The following ANKRD36 variants were observed in gnomAD, a reference collection of about 807,000 sequenced individuals.
The protein encoded by ANKRD36 is ankyrin repeat domain-containing protein 36A.
ANKRD36 carries 179 observed loss-of-function variants against 278.1 expected under a neutral mutation model. The ratio of observed to expected loss-of-function variants is 0.64; its 90% CI spans 0.57 to 0.73. The LOEUF (loss-of-function observed/expected upper bound fraction) is 0.73. ANKRD36 is among the 30% of genes least tolerant of loss of function. ANKRD36 has a pLI of 0.00. For synonymous variants in ANKRD36, 320 were observed against 641.1 expected (o/e 0.50, Z 7.57); for missense variants, 1,159 against 1,956.7 (o/e 0.59, Z 7.69).
chr2:97,159,714 A>G (rs1361066975), intron 17 of ANKRD36, among the ~76,000 whole-genome samples: 1 of 151,324 alleles, frequency 6.6e-6, no homozygotes, highest in African/African-American at 2.4e-5. Context: ...AGGGAAAATA[A>G]ATAAGTAATT....
At chr2:97,227,221 T>C (rs1441480560) in intron 67 of ANKRD36, among the ~76,000 whole-genome samples, 17 of 152,112 alleles carry the variant, frequency 1.1e-4, no homozygotes, top group Non-Finnish European at 2.4e-4. Context: ...TTGGGCAGTA[T>C]GGCCATTTTA....
chr2:97,212,422 A>G (rs1371443959), intron 58 of ANKRD36, among the ~76,000 whole-genome samples: 1 of 151,908 alleles, frequency 6.6e-6, no homozygotes, highest in African/African-American at 2.4e-5. Context: ...ACTATTAGGC[A>G]TCAGAGATAC....
intron 1 of ANKRD36, among the ~76,000 whole-genome samples, chr2:97,117,321 C>T (rs2035740087): frequency 6.6e-6 from 1 of 151,372 alleles, no homozygotes; most frequent in Non-Finnish European, 1.5e-5. Flanking sequence ...CTTCTTTTTC[C>T]ACAGTACTTT....
chr2:97,114,150 G>A (rs1185066201), intron 1 of ANKRD36, among the ~76,000 whole-genome samples: 2 of 108,440 alleles, frequency 1.8e-5, no homozygotes, highest in Admixed American at 9.5e-5. Context: ...GGGGATGGGA[G>A]TGGGGAGTAG....
rs756626748 is a variant in ANKRD36, at chr2:97,202,315, A to G, written c.2887-6A>G. 1.0e-5 allele frequency: 16 copies of G among 1,581,470 alleles called. No homozygotes were observed. Among genetic ancestry groups the G allele is most frequent in the Admixed American group, 9.2e-5 (5 of 54,634 alleles). ...TATTTATTATTTCGTTTTAAATTCC[A>G]TTCAGGGTACAAGTGACGAGGAAGA... On this transcript the variant is annotated splice_region_variant and splice_polypyrimidine_tract_variant and intron_variant, in intron 47 of 75. Coordinates refer to ENST00000420699, the MANE Select transcript of ANKRD36 (RefSeq NM_001354587.1).
intron 6 of ANKRD36, among the ~76,000 whole-genome samples, chr2:97,132,069 T>C (rs182568562): frequency 0.041 from 6,207 of 151,816 alleles, 354 homozygotes; most frequent in African/African-American, 0.13. Context: ...CCTTGTGATC[T>C]GCCCGCCCCA....
At chr2:97,156,215 T>C (rs1163197618) in intron 15 of ANKRD36, among the ~76,000 whole-genome samples, 1 of 146,436 alleles carries the variant, frequency 6.8e-6, no homozygotes, top group East Asian at 2.0e-4. Flanking sequence ...GGACATACAT[T>C]ACTCTTTTTT....
At chr2:97,159,726 A>G (rs1446036448) in intron 17 of ANKRD36, among the ~76,000 whole-genome samples, 6 of 150,736 alleles carry the variant, frequency 4.0e-5, no homozygotes, top group Non-Finnish European at 5.9e-5. Context: ...TAAGTAATTA[A>G]ATAATAAAAA....
Position 97,245,825 on chromosome 2 carries a change from TTG to T in ANKRD36, c.5162_5163del (p.Cys1721SerfsTer15). 1 of 562,222 alleles carries T rather than the reference TTG, an allele frequency of 1.8e-6. No homozygotes were observed. The highest frequency in any genetic ancestry group is 3.3e-5 in the East Asian group (1 of 29,934). 34.8% of individuals were successfully genotyped at this position (562,222 alleles called of 1,614,324 possible). On this transcript the variant is annotated frameshift_variant, in exon 71 of 76. Transcript: ENST00000420699. LOFTEE classifies it high-confidence loss of function. The stretch of plus-strand genomic sequence containing the variant: ...AATGCATAGAAAAACAGGAAAGATT[TTG>T]TCAACTAAAAAAACAAAATATGTTG... ...EKCIEKQERF[C>X]QLKKQNMLLQ...
intron 28 of ANKRD36, among the ~76,000 whole-genome samples, chr2:97,185,007 C>T (rs951158951): frequency 1.3e-5 from 2 of 151,770 alleles, no homozygotes; most frequent in African/African-American, 4.8e-5. Context: ...GTATGAGTTG[C>T]TCCTCTGATT....
chr2:97,211,854 C>A (rs10171740), intron 58 of ANKRD36, 113 bp downstream of exon 58: 24,341 of 1,289,588 alleles, frequency 0.019, 3 homozygotes, highest in African/African-American at 0.14. Context: ...CTTCAGTATT[C>A]CTGAGATTAT....
intron 75 of ANKRD36, among the ~76,000 whole-genome samples, chr2:97,260,379 TAC>T (rs1553500928): frequency 1.6e-5 from 2 of 121,228 alleles, no homozygotes; most frequent in Non-Finnish European, 3.3e-5. Flanking sequence ...TATATATATA[TAC>T]ACACATATAT....
intron 5 of ANKRD36, among the ~76,000 whole-genome samples, chr2:97,125,618 G>A (rs989886867): frequency 3.3e-5 from 5 of 151,158 alleles, no homozygotes; most frequent in African/African-American, 7.3e-5. Flanking sequence ...TATAAACAGC[G>A]TAAGAGCTTT....
At chr2:97,167,638 A>G in intron 21 of ANKRD36, 33 bp downstream of exon 21, 2 of 1,536,010 alleles carry the variant, frequency 1.3e-6, no homozygotes, top group Non-Finnish European at 1.7e-6. Flanking sequence ...TTAATTAACA[A>G]AATGCTTTGT....
chr2:97,207,227 T>G (rs1267327651), intron 52 of ANKRD36, among the ~76,000 whole-genome samples: 2 of 151,366 alleles, frequency 1.3e-5, no homozygotes, highest in Non-Finnish European at 3.0e-5. Context: ...TTGCACCATA[T>G]GGGGGTGAGA....
intron 6 of ANKRD36, among the ~76,000 whole-genome samples, chr2:97,137,592 T>C (rs150364031): frequency 7.3e-5 from 11 of 150,686 alleles, no homozygotes; most frequent in South Asian, 2.1e-4. Context: ...TATATATATA[T>C]ACACACACAC....
In ANKRD36 at chr2:97,209,758, G is replaced by T. The variant is rs747401124; in HGVS notation, c.3295-42G>T. ...GTGAGCTAGTAAACGTATAGCCTAT[G>T]AAAGATACCTTACTTATTATTTCAT... On this transcript the variant is annotated intron_variant, in intron 55 of 75. Coordinates refer to ENST00000420699, the MANE Select transcript of ANKRD36 (RefSeq NM_001354587.1). 9.0e-6 allele frequency: 14 copies of T among 1,559,270 alleles called. 1 individual carries two copies. Among genetic ancestry groups the T allele is most frequent in the Middle Eastern group, 2.2e-4 (1 of 4,598 alleles).
At chr2:97,175,516 T>A (rs946729334) in intron 22 of ANKRD36, among the ~76,000 whole-genome samples, 1 of 151,992 alleles carries the variant, frequency 6.6e-6, no homozygotes, top group Admixed American at 6.6e-5. Flanking sequence ...CTTCTCTCTT[T>A]TTTTCTTTAT....
chr2:97,137,298 C>T (rs536237566), intron 6 of ANKRD36, among the ~76,000 whole-genome samples: 53 of 152,020 alleles, frequency 3.5e-4, no homozygotes, highest in African/African-American at 1.2e-3. Flanking sequence ...ATACGTGTGC[C>T]ACCACACTCA....
Sources: allele counts gnomAD v4.1 joint callset (sites outside exome capture counted in the v4.1 genomes callset), GRCh38; gene constraint gnomAD v4.1.1; transcripts MANE v1.5; gene names NCBI Gene and HGNC (gene_info 2026-07-23, HGNC 2026-07-21).